Variants in PPP1R13B observed in about 807,000 individuals in gnomAD.
The protein encoded by PPP1R13B is protein phosphatase 1 regulatory subunit 13B, also known as apoptosis-stimulating of p53 protein 1.
PPP1R13B carries 44 observed loss-of-function variants against 119.8 expected under a neutral mutation model. That is an observed-to-expected ratio of 0.37 (90% CI 0.29 to 0.47). The LOEUF (loss-of-function observed/expected upper bound fraction) is 0.47. Ranked by LOEUF, PPP1R13B falls within the 20% of genes least tolerant of loss-of-function variation. The pLI is 0.99. For missense variants in PPP1R13B, 1,227 were observed against 1,413.5 expected (o/e 0.87, Z 2.12); for synonymous variants, 542 against 561.5 (o/e 0.97, Z 0.49).
rs766905355 is a variant in PPP1R13B, at chr14:103,742,697, C to T, written c.1277G>A (p.Ser426Asn). Reference protein sequence around the residue: ...EGSVKQGTVSSQPVPFSALGP... With the variant: ...EGSVKQGTVSNQPVPFSALGP... Reference sequence around the variant, plus strand: ...CAGTGCTGAGAAGGGCACAGGCTGGCTGGAGACAGTGCCCTGCTTGACAGA... The same window carrying T: ...CAGTGCTGAGAAGGGCACAGGCTGGTTGGAGACAGTGCCCTGCTTGACAGA... The change falls in exon 10 of 17, where the codon AGC becomes AAC. Residue 426 changes from serine to asparagine, a missense_variant. Physicochemically the swap from Ser to Asn is conservative, Grantham distance 46 (BLOSUM62 1). Transcript: ENST00000202556. This position sits in a 1 kb window ranked among gnomAD's most constrained non-coding sequence, Gnocchi z 4.9. The T allele has an allele frequency of 7.4e-6, 12 of 1,613,990 alleles. No individual in the cohort carries two copies. The highest frequency in any genetic ancestry group is 9.3e-6 in the Non-Finnish European group (11 of 1,180,024).
intron 1 of PPP1R13B, among the ~76,000 whole-genome samples, chr14:103,824,468 G>C (rs1048068891): frequency 2.0e-5 from 3 of 151,346 alleles, no homozygotes; most frequent in Non-Finnish European, 2.9e-5. Context: ...GGCTGAGGTG[G>C]GCGGATCACG....
At chr14:103,807,528 G>A (rs570447785) in intron 1 of PPP1R13B, among the ~76,000 whole-genome samples, 86 of 152,134 alleles carry the variant, frequency 5.7e-4, no homozygotes, top group African/African-American at 1.9e-3. Context: ...AGAGTATCAC[G>A]CTGTTGCCCA....
chr14:103,776,443 G>A (rs533363081), intron 4 of PPP1R13B, among the ~76,000 whole-genome samples: 34 of 152,256 alleles, frequency 2.2e-4, no homozygotes, highest in African/African-American at 7.7e-4. Context: ...AGAAAGCTCC[G>A]AGGCCAGTGG....
rs3742368 is a variant in PPP1R13B, at chr14:103,740,517, C to T, written c.1899G>A (p.Thr633=). ...PLPFLHGSLS[T]GTPQPQPPSE... ...AAGGTGGCTGAGGCTGTGGTGTGCCCGTGGACAGTGACCCGTGAAGAAACG... is the reference window on the plus strand; with the variant it reads ...AAGGTGGCTGAGGCTGTGGTGTGCCTGTGGACAGTGACCCGTGAAGAAACG... The change falls in exon 12 of 17, where the codon ACG becomes ACA. Residue 633 remains threonine, a synonymous_variant. Transcript: ENST00000202556. This position sits in a 1 kb window ranked among gnomAD's most constrained non-coding sequence, Gnocchi z 4.6. 1,324 of 1,595,730 alleles carry T rather than the reference C, an allele frequency of 8.3e-4. 12 individuals carry two copies. The East Asian group carries it at 0.019, about 23-fold the overall frequency.
Position 103,757,783 on chromosome 14 carries a change from G to A in PPP1R13B, c.355-32C>T, listed in dbSNP as rs888308810. On this transcript the variant is annotated intron_variant, in intron 4 of 16. Coordinates refer to ENST00000202556, the MANE Select transcript of PPP1R13B (RefSeq NM_015316.3). ...AAAAAGCACTTATTTTGGAACATAA[G>A]TTTATCTGCATAATTGTCTGTCTCT... The A allele has an allele frequency of 6.4e-6, 10 of 1,565,720 alleles. No homozygotes were observed. The African/African-American group carries it at 1.4e-4, about 21-fold the overall frequency.
At position 103,733,286 on chromosome 14, in the gene PPP1R13B, A is replaced by G. The variant is rs946024220; in HGVS notation, c.*1868T>C. 11 of 453,754 alleles carry G rather than the reference A, an allele frequency of 2.4e-5. No individual in the cohort carries two copies. In the Admixed American group the frequency reaches 3.4e-4, roughly 14 times the overall value. The allele number at this position is 453,754 out of a possible 1,614,324, so 28.1% of individuals were successfully genotyped here. ...GGAGAGACTGAGCTACACTACTGCT[A>G]AACTATTTTTAGCATAATATATACC... On this transcript the variant is annotated 3_prime_UTR_variant, in exon 17 of 17. Transcript: ENST00000202556.
chr14:103,839,160 G>C (rs28654636), intron 1 of PPP1R13B, among the ~76,000 whole-genome samples: 1 of 151,986 alleles, frequency 6.6e-6, no homozygotes. Context: ...TTACAGGCAC[G>C]TGCCACCACA....
At chr14:103,750,690 G>C (rs888357391) in intron 7 of PPP1R13B, among the ~76,000 whole-genome samples, 2 of 151,986 alleles carry the variant, frequency 1.3e-5, no homozygotes, top group Non-Finnish European at 1.5e-5. Context: ...AATTAGCCAG[G>C]TGTGGTGGCA....
chr14:103,836,237 G>A (rs1284528882), intron 1 of PPP1R13B, among the ~76,000 whole-genome samples: 2 of 150,796 alleles, frequency 1.3e-5, no homozygotes, highest in Non-Finnish European at 3.0e-5. Context: ...GTAGAGATGG[G>A]GTTTCACTAT....
chr14:103,837,993 C>G (rs887948101), intron 1 of PPP1R13B, among the ~76,000 whole-genome samples: 2 of 152,126 alleles, frequency 1.3e-5, no homozygotes, highest in African/African-American at 4.8e-5. Flanking sequence ...GTGGCGCACA[C>G]CTGTAGTCCC....
At chr14:103,848,321 C>G (rs1416167765), upstream of PPP1R13B, 1 of 985,350 alleles carries the variant, frequency 1.0e-6, no homozygotes, top group African/African-American at 1.7e-5. Flanking sequence ...GGGGAGGGTC[C>G]GGTCCTCGTC....
intron 1 of PPP1R13B, among the ~76,000 whole-genome samples, chr14:103,798,325 A>G (rs8009147): frequency 0.45 from 67,408 of 151,058 alleles, 15,510 homozygotes; most frequent in African/African-American, 0.56. Flanking sequence ...CTAATTTTTT[A>G]TATTTTTTAG....
chr14:103,836,723 T>C (rs376187154), intron 1 of PPP1R13B, among the ~76,000 whole-genome samples: 18 of 144,076 alleles, frequency 1.2e-4, no homozygotes, highest in African/African-American at 4.2e-4. Flanking sequence ...TGAGCCAAGA[T>C]AGCGCCATCG....
chr14:103,799,248 G>A (rs767855318), intron 1 of PPP1R13B, among the ~76,000 whole-genome samples: 1 of 151,904 alleles, frequency 6.6e-6, no homozygotes, highest in Non-Finnish European at 1.5e-5. Flanking sequence ...GCGCAATCTC[G>A]GCTCTCTGCA....
chr14:103,801,727 G>C (rs1056948803), intron 1 of PPP1R13B, among the ~76,000 whole-genome samples: 4 of 151,924 alleles, frequency 2.6e-5, no homozygotes, highest in African/African-American at 9.7e-5. Context: ...AGGACCTGAC[G>C]CATAGGAGGC....
In PPP1R13B at chr14:103,749,840, T is replaced by C. The variant is rs748157797; in HGVS notation, c.923A>G (p.Lys308Arg). The C allele has an allele frequency of 2.5e-6, 4 of 1,614,160 alleles. No individual in the cohort carries two copies. The East Asian group carries it at 8.9e-5, about 36-fold the overall frequency. Residue 308 changes from lysine (K) to arginine (R), a missense_variant, in exon 8 of 17, where the codon AAG becomes AGG. By Grantham distance (26) the Lys-to-Arg change is conservative. Transcript: ENST00000202556. ...ACGTTCACGCAGTTCACTGATTCGC[T>C]TGTCCATCATGGCCACCTCCATGTT... ...KRNMEVAMMD[K>R]RISELRERLY...
intron 1 of PPP1R13B, among the ~76,000 whole-genome samples, chr14:103,807,884 A>G (rs1427034014): frequency 1.3e-5 from 2 of 152,152 alleles, no homozygotes; most frequent in East Asian, 1.9e-4. Context: ...AGAAAAGACA[A>G]TATTTTACCC....
rs1326784123 is a variant in PPP1R13B at position 103,741,879 on chromosome 14, G to A, written c.1733C>T (p.Ser578Phe). 6.2e-7 allele frequency: 1 copy of A among 1,614,208 alleles called. No individual in the cohort carries two copies. The highest frequency in any genetic ancestry group is 2.2e-5 in the East Asian group (1 of 44,890). Residue 578 changes from serine (S) to phenylalanine (F), a missense_variant, in exon 11 of 17, where the codon TCC (serine) becomes TTC (phenylalanine). Ser to Phe is a radical substitution (Grantham distance 155). Coordinates refer to ENST00000202556, the MANE Select transcript of PPP1R13B (RefSeq NM_015316.3). ...RKGPQTVNSS[S>F]IYSMYLQQAT... ...TTGCTGGAGGTACATGGAGTATATG[G>A]AACTTGAATTCACTGTCTGGGGTCC...
intron 1 of PPP1R13B, among the ~76,000 whole-genome samples, chr14:103,833,761 C>T (rs1264659163): frequency 1.3e-5 from 2 of 152,170 alleles, no homozygotes; most frequent in Non-Finnish European, 2.9e-5. Context: ...TGAAACTTCC[C>T]AACATCCTGA....
Sources: allele counts gnomAD v4.1 joint callset (sites outside exome capture counted in the v4.1 genomes callset), GRCh38; gene constraint gnomAD v4.1.1; non-coding constraint Gnocchi (gnomAD v3.1); transcripts MANE v1.5; gene names NCBI Gene and HGNC (gene_info 2026-07-23, HGNC 2026-07-21).